Variants in SCFD1 observed in about 807,000 individuals in gnomAD.
SCFD1 encodes the protein sec1 family domain-containing protein 1.
Under a neutral mutation model 103.2 loss-of-function variants are expected in SCFD1, and 37 were observed. That is an observed-to-expected ratio of 0.36 (90% confidence interval 0.28 to 0.47). SCFD1 has a LOEUF of 0.47. Ranked by LOEUF, SCFD1 falls within the 20% of genes least tolerant of loss-of-function variation. The pLI is 1.00. For synonymous variants in SCFD1, 264 were observed against 245.0 expected (o/e 1.08, Z -0.73); for missense variants, 639 against 761.2 (o/e 0.84, Z 1.89).
chr14:30,705,371 T>G (rs1594738593), intron 17 of SCFD1, among the ~76,000 whole-genome samples: 1 of 152,214 alleles, frequency 6.6e-6, no homozygotes, highest in South Asian at 2.1e-4. Context: ...ATTACATGGT[T>G]GTTCTTTTAA....
chr14:30,732,546 C>T (rs986180649), intron 23 of SCFD1, among the ~76,000 whole-genome samples: 1 of 152,160 alleles, frequency 6.6e-6, no homozygotes, highest in African/African-American at 2.4e-5. Flanking sequence ...CCCTACCATT[C>T]AGCCCTATTA....
chr14:30,650,599 A>G lies in SCFD1; in HGVS notation c.704A>G (p.Asp235Gly), dbSNP rs1391163907. 3.1e-6 allele frequency: 5 copies of G among 1,610,638 alleles called. No individual in the cohort carries two copies. The highest frequency in any genetic ancestry group is 4.2e-6 in the Non-Finnish European group (5 of 1,177,276). Residue 235 changes from aspartate to glycine, a missense_variant, in exon 9 of 25, where the codon GAT becomes GGT. Coordinates refer to ENST00000458591, the MANE Select transcript of SCFD1 (RefSeq NM_016106.4). Reference sequence around the variant, plus strand: ...AAGAAACTTCGAGAAAATCTAAGAGATGCAAGAAACAGTCTTTTTACAGGT... The same window carrying G: ...AAGAAACTTCGAGAAAATCTAAGAGGTGCAAGAAACAGTCTTTTTACAGGT... ...LDKKLRENLR[D>G]ARNSLFTGDT...
At chr14:30,632,209 TATTGA>T (rs1489919598) in intron 3 of SCFD1, among the ~76,000 whole-genome samples, 5 of 152,168 alleles carry the variant, frequency 3.3e-5, no homozygotes, top group African/African-American at 4.8e-5. Flanking sequence ...TGATATCATA[TATTGA>T]ATTGAAATGT....
intron 7 of SCFD1, 61 bp downstream of exon 7, chr14:30,643,466 T>G: frequency 9.0e-7 from 1 of 1,108,184 alleles, no homozygotes; most frequent in South Asian, 1.2e-5. Context: ...GTAATTTTAA[T>G]GTATTACACT....
At chr14:30,695,885 C>A (rs1387455355) in intron 15 of SCFD1, among the ~76,000 whole-genome samples, 1 of 150,828 alleles carries the variant, frequency 6.6e-6, no homozygotes, top group Non-Finnish European at 1.5e-5. Flanking sequence ...AACAAACAAA[C>A]AAAAAAAACC....
In SCFD1 at chr14:30,702,423, T is replaced by C. The variant is rs111391155; in HGVS notation, c.1490+48T>C. 10 of 1,179,044 alleles carry C rather than the reference T, an allele frequency of 8.5e-6. No homozygotes were observed. The African/African-American group carries it at 9.4e-5, about 11-fold the overall frequency. 73.0% of individuals were successfully genotyped at this position (1,179,044 alleles called of 1,614,324 possible). ...ATTCCTGTCATTTAAAAGAGTACAA[T>C]TGAGGCTTCATTCCCAAGAAAATGG... On this transcript the variant is annotated intron_variant, in intron 17 of 24. Coordinates refer to ENST00000458591, the MANE Select transcript of SCFD1 (RefSeq NM_016106.4).
At chr14:30,708,241 A>G (rs1038197557) in intron 19 of SCFD1, among the ~76,000 whole-genome samples, 176 bp downstream of exon 19, 6 of 152,122 alleles carry the variant, frequency 3.9e-5, no homozygotes, top group Non-Finnish European at 8.8e-5. Context: ...CTGGTTTGTT[A>G]CATAGGTAAA....
At position 30,643,503 on chromosome 14, in the gene SCFD1, G is replaced by A. The variant is rs748648945; in HGVS notation, c.613+98G>A. 3.7e-4 allele frequency: 317 copies of A among 848,584 alleles called. 2 individuals are homozygous for A. Among genetic ancestry groups the A allele is most frequent in the Non-Finnish European group, 5.1e-4 (253 of 500,872 alleles). The allele number at this position is 848,584 out of a possible 1,614,324, so 52.6% of individuals were successfully genotyped here. On this transcript the variant is annotated intron_variant, in intron 7 of 24. Transcript: ENST00000458591. Reference sequence around the variant, plus strand: ...TAATGTGATTCGTTCTCACTTACCTGGATCTCTAGAGGTTCTCGAGTGGAG... The same window carrying A: ...TAATGTGATTCGTTCTCACTTACCTAGATCTCTAGAGGTTCTCGAGTGGAG...
chr14:30,707,968 C>G (rs1250057203), intron 18 of SCFD1, 22 bp from the exon 19 acceptor site: 10 of 1,559,154 alleles, frequency 6.4e-6, no homozygotes, highest in Non-Finnish European at 8.0e-6. Flanking sequence ...TAGAATGGTC[C>G]TTCTCTTTTG....
At chr14:30,645,262 G>A (rs1208837096) in intron 7 of SCFD1, among the ~76,000 whole-genome samples, 2 of 152,180 alleles carry the variant, frequency 1.3e-5, no homozygotes, top group Non-Finnish European at 2.9e-5. Flanking sequence ...TCGAAGTCAG[G>A]TTGTGTAATG....
chr14:30,672,466 A>G (rs149345450), intron 11 of SCFD1, among the ~76,000 whole-genome samples: 1 of 152,234 alleles, frequency 6.6e-6, no homozygotes, highest in Admixed American at 6.5e-5. Context: ...AAGGGGGGAA[A>G]GGTTTTTGTT....
chr14:30,733,824 A>C (rs951767777), intron 23 of SCFD1, among the ~76,000 whole-genome samples: 13 of 152,248 alleles, frequency 8.5e-5, no homozygotes, highest in African/African-American at 3.1e-4. Context: ...CCAGAGAGGC[A>C]TAAAAGACCT....
chr14:30,725,913 C>T (rs1178220778), intron 23 of SCFD1, among the ~76,000 whole-genome samples: 1 of 152,144 alleles, frequency 6.6e-6, no homozygotes, highest in Non-Finnish European at 1.5e-5. Flanking sequence ...GTACAAGTTG[C>T]CCCCTAGTCT....
At chr14:30,629,857 TGA>T (rs1883920151) in intron 2 of SCFD1, among the ~76,000 whole-genome samples, 1 of 152,218 alleles carries the variant, frequency 6.6e-6, no homozygotes, top group Non-Finnish European at 1.5e-5. Context: ...ATTACAGGCG[TGA>T]GCCACTGTGC....
In SCFD1 at chr14:30,703,910, CATATATATATATATATATATAT is replaced by C. The variant is rs71443380; in HGVS notation, c.1490+1567_1490+1588del. On this transcript the variant is annotated intron_variant, in intron 17 of 24. Transcript: ENST00000458591. ...ATTTTTTCAGATTTGGGAATATTTG[CATATATATATATATATATATAT>C]ATATATATATATATATATATATATA... 4.1e-3 allele frequency among the ~76,000 whole-genome samples: 163 copies of C among 39,550 alleles called. 1 individual carries two copies. Among genetic ancestry groups the C allele is most frequent in the South Asian group, 0.013 (13 of 1,034 alleles). 25.9% of individuals were successfully genotyped at this position (39,550 alleles called of 152,430 possible).
intron 17 of SCFD1, among the ~76,000 whole-genome samples, chr14:30,703,425 A>G (rs1044377221): frequency 1.3e-5 from 2 of 151,340 alleles, no homozygotes; most frequent in Non-Finnish European, 2.9e-5. Flanking sequence ...ACATAAAAAC[A>G]TGTAATTACA....
chr14:30,691,855 A>G (rs1890327180), intron 14 of SCFD1, among the ~76,000 whole-genome samples: 1 of 152,242 alleles, frequency 6.6e-6, no homozygotes, highest in African/African-American at 2.4e-5. Flanking sequence ...GCCTGTACTT[A>G]CATAAGTCAG....
chr14:30,637,348 A>G (rs1346473025), intron 4 of SCFD1, among the ~76,000 whole-genome samples: 1 of 152,046 alleles, frequency 6.6e-6, no homozygotes, highest in Non-Finnish European at 1.5e-5. Flanking sequence ...TATCGTGAAC[A>G]TATTACTTAT....
intron 10 of SCFD1, among the ~76,000 whole-genome samples, chr14:30,654,649 G>A (rs1886724500): frequency 6.6e-6 from 1 of 151,480 alleles, no homozygotes; most frequent in Non-Finnish European, 1.5e-5. Context: ...ACTCCAGCCT[G>A]GGTGACAGAG....
Sources: gnomAD v4.1 joint callset for allele counts (sites outside exome capture counted in the v4.1 genomes callset) on GRCh38, gnomAD v4.1.1 for gene constraint, MANE v1.5 for transcripts, NCBI Gene and HGNC (gene_info 2026-07-23, HGNC 2026-07-21) for gene names.